The following NPC1 variants were observed in gnomAD, a reference collection of about 807,000 sequenced individuals.
NPC1 encodes the protein Niemann-Pick C1 protein.
NPC1 carries 85 observed loss-of-function variants against 140.4 expected under a neutral mutation model. The observed-to-expected ratio is 0.61, with a 90% confidence interval of 0.51 to 0.72. The LOEUF is 0.72. NPC1 is among the 30% of genes least tolerant of loss of function. NPC1 has a pLI of 0.00. For missense variants in NPC1, 1,504 were observed against 1,623.8 expected (o/e 0.93, Z 1.27); for synonymous variants, 656 against 624.8 (o/e 1.05, Z -0.74).
intron 1 of NPC1, chr18:23,524,085 C>G (rs766843454): frequency 1.2e-6 from 2 of 1,600,744 alleles, no homozygotes; most frequent in Non-Finnish European, 1.7e-6. Flanking sequence ...GCATTTGCAG[C>G]ATTTTCTGAC....
intron 3 of NPC1, chr18:23,509,082 C>T (rs1003438671): frequency 2.8e-5 from 11 of 386,464 alleles, no homozygotes; most frequent in Middle Eastern, 7.3e-4. Context: ...GTAAACATTC[C>T]GGGGAACGTT....
chr18:23,527,532 G>A (rs144348585), downstream of NPC1, among the ~76,000 whole-genome samples: 16 of 151,092 alleles, frequency 1.1e-4, no homozygotes, highest in African/African-American at 2.4e-4. Flanking sequence ...CTTCTGCCTC[G>A]GCCTACCCAA....
chr18:23,565,930 T>A (rs1183572390), intron 4 of NPC1, among the ~76,000 whole-genome samples: 2 of 152,228 alleles, frequency 1.3e-5, no homozygotes, highest in African/African-American at 4.8e-5. Flanking sequence ...TAGGTCTTTG[T>A]ATCTGTATGC....
At chr18:23,569,989 G>GTGTCA (rs2059178439) in intron 3 of NPC1, among the ~76,000 whole-genome samples, 1 of 152,196 alleles carries the variant, frequency 6.6e-6, no homozygotes, top group African/African-American at 2.4e-5. Flanking sequence ...CTCCGATTCA[G>GTGTCA]TCCCAGTGAC....
In NPC1 at chr18:23,516,098, C is replaced by T. The variant is rs2057996920; in HGVS notation, c.432-9456G>A. 1.0e-5 allele frequency: 16 copies of T among 1,534,148 alleles called. No individual in the cohort carries two copies. In the Middle Eastern group the frequency reaches 8.6e-4, roughly 83 times the overall value. ...CACGTTAGGGACAGGTTCCTCTAGC[C>T]GTAACGTCACCGCTCTGACCACTAG... On this transcript the variant is annotated intron_variant, in intron 3 of 3. Coordinates refer to the NPC1 transcript ENST00000591107.
chr18:23,539,837 T>C lies in NPC1; in HGVS notation c.2769A>G (p.Ile923Met). 6.2e-7 allele frequency: 1 copy of C among 1,614,196 alleles called. No homozygotes were observed. Among genetic ancestry groups the C allele is most frequent in the Non-Finnish European group, 8.5e-7 (1 of 1,180,032 alleles). The change falls in exon 18 of 25, where the codon ATA becomes ATG. Residue 923 changes from isoleucine to methionine, a missense_variant. Ile to Met is a conservative substitution (Grantham distance 10). Coordinates refer to ENST00000269228, the MANE Select transcript of NPC1 (RefSeq NM_000271.5). Reference protein sequence around the residue: ...GCNNDSLVQQIFNAAQLDNYT... With the variant: ...GCNNDSLVQQMFNAAQLDNYT... The stretch of plus-strand genomic sequence containing the variant: ...AGTTGTCCAGCTGCGCCGCGTTAAA[T>C]ATCTGCTGCACCAGGGAATCATTGT...
downstream of NPC1, among the ~76,000 whole-genome samples, chr18:23,521,332 T>C (rs2036536697): frequency 6.6e-6 from 1 of 152,254 alleles, no homozygotes; most frequent in Non-Finnish European, 1.5e-5. Context: ...TATGTTTTAA[T>C]ATTGAATACA....
chr18:23,519,055 T>C, downstream of NPC1: 1 of 1,613,822 alleles, frequency 6.2e-7, no homozygotes. Flanking sequence ...TGTTTTTTGC[T>C]TTCTATCCTA....
intron 22 of NPC1, 64 bp from the exon 23 acceptor site, chr18:23,534,623 G>GT (rs2058598643): frequency 1.5e-6 from 2 of 1,320,132 alleles, no homozygotes; most frequent in Admixed American, 3.8e-5. Flanking sequence ...CAGCCACCCC[G>GT]TTCTGAGGAT....
rs962184075 is a variant in NPC1 at position 23,565,717 on chromosome 18, T to A, written c.463+3106A>T. Among the ~76,000 whole-genome samples the A allele has an allele frequency of 2.6e-5, 4 of 152,210 alleles. No individual in the cohort carries two copies. In the East Asian group the frequency reaches 5.8e-4, roughly 22 times the overall value. The stretch of plus-strand genomic sequence containing the variant: ...TAAGTATTTCCCATACTAAAGTAAA[T>A]GGAATTGTTTTATTTTCACTTTGAG... On this transcript the variant is annotated intron_variant, in intron 4 of 24. Coordinates refer to ENST00000269228, the MANE Select transcript of NPC1 (RefSeq NM_000271.5).
downstream of NPC1, chr18:23,520,458 G>A (rs1319313354): frequency 8.6e-6 from 6 of 700,792 alleles, no homozygotes; most frequent in Middle Eastern, 4.0e-4. Flanking sequence ...GGGGCCATTT[G>A]TTCCAGTTTT....
intron 1 of NPC1, 124 bp downstream of exon 1, chr18:23,586,163 C>T: frequency 1.0e-6 from 1 of 996,754 alleles, no homozygotes; most frequent in Non-Finnish European, 1.4e-6. Flanking sequence ...AACCTCCGAG[C>T]TCTCCATCGC....
At chr18:23,561,697 G>A (rs2059042146) in intron 4 of NPC1, among the ~76,000 whole-genome samples, 170 bp from the exon 5 acceptor site, 1 of 152,122 alleles carries the variant, frequency 6.6e-6, no homozygotes, top group South Asian at 2.1e-4. Context: ...CCTTTAAATT[G>A]GCTTATCACC....
intron 13 of NPC1, 119 bp from the exon 14 acceptor site, chr18:23,543,688 T>C (rs2058744420): frequency 7.3e-6 from 5 of 681,728 alleles, no homozygotes; most frequent in Non-Finnish European, 1.3e-5. Flanking sequence ...ATTAGCAGTG[T>C]CTTCTAAGCA....
At chr18:23,544,112 T>C (rs760561128) in intron 13 of NPC1, among the ~76,000 whole-genome samples, 1 of 152,204 alleles carries the variant, frequency 6.6e-6, no homozygotes, top group African/African-American at 2.4e-5. Context: ...TATTTAAAGA[T>C]ACAATTTAAA....
rs990011219 is a variant in NPC1 at position 23,585,325 on chromosome 18, G to T, written c.57+962C>A. Among the ~76,000 whole-genome samples the T allele has an allele frequency of 3.2e-4, 49 of 152,120 alleles. 1 individual carries two copies. The highest frequency in any genetic ancestry group is 4.4e-5 in the Non-Finnish European group (3 of 68,022). The stretch of plus-strand genomic sequence containing the variant: ...ACTGCTGAGCTCAAGAGATCCTCCC[G>T]CGGAGCCCTTCTCCTGGCTCTTAGT... On this transcript the variant is annotated intron_variant, in intron 1 of 24. Transcript: ENST00000269228.
At chr18:23,569,525 T>G (rs1450139266) in intron 3 of NPC1, among the ~76,000 whole-genome samples, 1 of 152,292 alleles carries the variant, frequency 6.6e-6, no homozygotes, top group East Asian at 1.9e-4. Context: ...TGGGTCTGTG[T>G]TGCCCAGGAT....
chr18:23,508,022 A>C, intron 3 of NPC1: 1 of 1,611,142 alleles, frequency 6.2e-7, no homozygotes, highest in Non-Finnish European at 8.5e-7. Context: ...TCCCAGCTGG[A>C]ATACACACAG....
chr18:23,534,367 G>T, intron 23 of NPC1, 79 bp downstream of exon 23: 1 of 969,990 alleles, frequency 1.0e-6, no homozygotes, highest in Non-Finnish European at 1.6e-6. Flanking sequence ...TGTAAGTACA[G>T]GATCCAGACT....
Sources: gnomAD v4.1 joint callset for allele counts (sites outside exome capture counted in the v4.1 genomes callset) on GRCh38, gnomAD v4.1.1 for gene constraint, MANE v1.5 for transcripts, NCBI Gene and HGNC (gene_info 2026-07-23, HGNC 2026-07-21) for gene names.